Variants in MTPN observed in about 807,000 individuals in gnomAD.
The protein encoded by MTPN is granule cell differentiation protein.
In MTPN, 2 loss-of-function variants were observed where a neutral mutation model predicts 13.5. The observed-to-expected ratio is 0.15, with a 90% CI of 0.06 to 0.47. The LOEUF (loss-of-function observed/expected upper bound fraction) is 0.47. MTPN is among the 20% of genes least tolerant of loss of function. The pLI, the probability that MTPN is intolerant of heterozygous loss-of-function variation, is 0.97. For missense variants in MTPN, 79 were observed against 137.9 expected (o/e 0.57, Z 2.14); for synonymous variants, 46 against 51.7 (o/e 0.89, Z 0.48).
At chr7:135,935,638 T>C (rs1035726518) in intron 3 of MTPN, among the ~76,000 whole-genome samples, 12 of 152,336 alleles carry the variant, frequency 7.9e-5, no homozygotes, top group Middle Eastern at 3.4e-3. Flanking sequence ...AAGCCTTTAA[T>C]GGCATTCTCA....
chr7:135,933,540 G>A (rs1799062222), intron 3 of MTPN, among the ~76,000 whole-genome samples: 1 of 151,768 alleles, frequency 6.6e-6, no homozygotes, highest in Non-Finnish European at 1.5e-5. Flanking sequence ...TAAAAACTGT[G>A]TTTTTATCAA....
At chr7:135,972,223 A>G (rs375358311) in intron 1 of MTPN, among the ~76,000 whole-genome samples, 3 of 131,876 alleles carry the variant, frequency 2.3e-5, no homozygotes, top group Non-Finnish European at 3.2e-5. Context: ...GCACACGCGC[A>G]CGCGCGCGCA....
chr7:135,932,260 C>A (rs1799035216), intron 3 of MTPN: 1 of 152,078 alleles, frequency 6.6e-6, no homozygotes, highest in Non-Finnish European at 1.5e-5. Context: ...AGTTAGAACT[C>A]ATTTCTGGGG....
chr7:135,936,031 A>G (rs1178931468), intron 3 of MTPN, among the ~76,000 whole-genome samples: 1 of 152,146 alleles, frequency 6.6e-6, no homozygotes, highest in Non-Finnish European at 1.5e-5. Flanking sequence ...CACATTGCAT[A>G]TAACTCTTGT....
chr7:135,930,361 AAGT>A (rs1165456546), intron 3 of MTPN, among the ~76,000 whole-genome samples: 1 of 152,210 alleles, frequency 6.6e-6, no homozygotes, highest in Non-Finnish European at 1.5e-5. Context: ...AACGGGGAAA[AAGT>A]AAATCACTTT....
chr7:135,967,611 C>T lies in MTPN; in HGVS notation c.72+9418G>A, dbSNP rs183697603. ...AAATAAGGGAGCTGGACTAGTTGCT[C>T]TGTAAGTAATCTTGCTTCTAAACAA... On this transcript the variant is annotated intron_variant, in intron 1 of 3. Coordinates refer to ENST00000393085, the MANE Select transcript of MTPN (RefSeq NM_145808.4). Among the ~76,000 whole-genome samples the T allele has an allele frequency of 1.4e-4, 21 of 152,278 alleles. 1 individual carries two copies.
intron 3 of MTPN, among the ~76,000 whole-genome samples, chr7:135,948,905 C>T (rs1799322746): frequency 6.6e-6 from 1 of 151,918 alleles, no homozygotes; most frequent in Non-Finnish European, 1.5e-5. Flanking sequence ...GAACAAAACC[C>T]TTGGCTGGGT....
chr7:135,954,895 AT>A (rs1799419832), intron 1 of MTPN, among the ~76,000 whole-genome samples: 1 of 152,222 alleles, frequency 6.6e-6, no homozygotes, highest in South Asian at 2.1e-4. Flanking sequence ...GTAAGCCGAG[AT>A]TGCGCCACTG....
intron 3 of MTPN, among the ~76,000 whole-genome samples, chr7:135,949,894 C>A (rs1799338105): frequency 2.0e-5 from 3 of 152,152 alleles, no homozygotes; most frequent in Non-Finnish European, 4.4e-5. Flanking sequence ...ACAACACTTT[C>A]CAGAGTATGG....
intron 3 of MTPN, among the ~76,000 whole-genome samples, chr7:135,935,455 T>C (rs914404498): frequency 1.3e-5 from 2 of 152,328 alleles, no homozygotes; most frequent in South Asian, 2.1e-4. Context: ...TTAGCCAGGC[T>C]GGCCTCGATC....
chr7:135,930,619 T>C lies in MTPN; in HGVS notation c.271-607A>G, dbSNP rs371197900. ...GAGAGTGCTGCCTTGGAACATTTTA[T>C]CTGCAACGCGGCATTCTGGTTTTGA... On this transcript the variant is annotated intron_variant, in intron 3 of 3. Coordinates refer to ENST00000393085, the MANE Select transcript of MTPN (RefSeq NM_145808.4). Among the ~76,000 whole-genome samples, 6 of 152,214 alleles carry C rather than the reference T, an allele frequency of 3.9e-5. No individual in the cohort carries two copies. In the East Asian group the frequency reaches 1.2e-3, roughly 29 times the overall value.
At chr7:135,932,256 A>G (rs1027100592) in intron 3 of MTPN, 2 of 152,096 alleles carry the variant, frequency 1.3e-5, no homozygotes, top group African/African-American at 4.8e-5. Flanking sequence ...AAGAAGTTAG[A>G]ACTCATTTCT....
intron 1 of MTPN, chr7:135,960,570 T>TA (rs1799505941): frequency 6.6e-6 from 1 of 151,958 alleles, no homozygotes; most frequent in Non-Finnish European, 1.5e-5. Context: ...AGGTAGGGTA[T>TA]AAAAATCATA....
At chr7:135,935,005 T>A (rs1191958077) in intron 3 of MTPN, among the ~76,000 whole-genome samples, 4 of 152,212 alleles carry the variant, frequency 2.6e-5, no homozygotes, top group Non-Finnish European at 4.4e-5. Flanking sequence ...ATACCTTGAA[T>A]TCAACCTCTC....
At chr7:135,941,469 T>C (rs1799209125) in intron 3 of MTPN, among the ~76,000 whole-genome samples, 1 of 145,650 alleles carries the variant, frequency 6.9e-6, no homozygotes, top group Non-Finnish European at 1.5e-5. Flanking sequence ...TCTCATCTCT[T>C]TAACTTTTCC....
chr7:135,940,836 ACT>A (rs1467543309), intron 3 of MTPN, among the ~76,000 whole-genome samples: 1 of 152,232 alleles, frequency 6.6e-6, no homozygotes, highest in Non-Finnish European at 1.5e-5. Context: ...TCTGTTGCAC[ACT>A]CTGACACCAC....
intron 1 of MTPN, chr7:135,960,886 A>G (rs180840916): frequency 1.3e-5 from 2 of 151,956 alleles, no homozygotes; most frequent in African/African-American, 4.8e-5. Flanking sequence ...ATGGAATCCA[A>G]AAGACATGGG....
chr7:135,936,367 C>G (rs1255636305), intron 3 of MTPN, among the ~76,000 whole-genome samples: 2 of 152,174 alleles, frequency 1.3e-5, no homozygotes, highest in African/African-American at 4.8e-5. Flanking sequence ...CACCTGTAAT[C>G]CCAGCTACTG....
chr7:135,944,348 T>A (rs2116363420), intron 3 of MTPN, among the ~76,000 whole-genome samples: 1 of 152,248 alleles, frequency 6.6e-6, no homozygotes, highest in South Asian at 2.1e-4. Flanking sequence ...AAATATAATC[T>A]TCAATATTAT....
Sources: allele counts gnomAD v4.1 joint callset (sites outside exome capture counted in the v4.1 genomes callset), GRCh38; gene constraint gnomAD v4.1.1; transcripts MANE v1.5; gene names NCBI Gene and HGNC (gene_info 2026-07-23, HGNC 2026-07-21).